GRIA3: variants seen among roughly 807,000 people sequenced by gnomAD.
GRIA3 encodes glutamate receptor 3.
Under a neutral mutation model 63.0 loss-of-function variants are expected in GRIA3, and 3 were observed. That is an observed-to-expected ratio of 0.05 (90% CI 0.02 to 0.12). GRIA3 has a LOEUF of 0.12. Among genes scored for constraint, GRIA3 ranks in the 10% least tolerant of loss-of-function variants. The pLI, the probability that GRIA3 is intolerant of heterozygous loss-of-function variation, is 1.00. For synonymous variants in GRIA3, 274 were observed against 257.9 expected (o/e 1.06, Z -0.60); for missense variants, 347 against 700.9 (o/e 0.50, Z 5.70).
intron 12 of GRIA3, among the ~76,000 whole-genome samples, chrX:123,450,495 A>G (rs1049551646): frequency 1.1e-4 from 12 of 112,877 alleles, no homozygotes; most frequent in African/African-American, 3.2e-4. Flanking sequence ...CCCTGCATCT[A>G]TGCAAACTTG....
chrX:123,382,843 T>A (rs962066971), intron 5 of GRIA3, among the ~76,000 whole-genome samples: 30 of 112,215 alleles, frequency 2.7e-4, no homozygotes, highest in Admixed American at 7.5e-4. Context: ...TTTAACATGC[T>A]ATGAATATTA....
chrX:123,223,578 C>A (rs1252990294), intron 2 of GRIA3, among the ~76,000 whole-genome samples: 1 of 112,185 alleles, frequency 8.9e-6, no homozygotes, highest in East Asian at 2.8e-4. Context: ...TGCTAGAAGG[C>A]CCTCTTTCTG....
chrX:123,303,199 A>T (rs933970166), intron 3 of GRIA3, among the ~76,000 whole-genome samples: 1 of 111,190 alleles, frequency 9.0e-6, no homozygotes. Context: ...AGTGGGAAAA[A>T]TCTAGATTTG....
At chrX:123,476,426 A>G (rs770766812) in intron 13 of GRIA3, among the ~76,000 whole-genome samples, 3 of 111,927 alleles carry the variant, frequency 2.7e-5, no homozygotes, top group Non-Finnish European at 5.6e-5. Context: ...GCTAGGTAAC[A>G]CATCTAATAA....
At chrX:123,370,372 C>G (rs1017203864) in intron 5 of GRIA3, among the ~76,000 whole-genome samples, 1 of 111,843 alleles carries the variant, frequency 8.9e-6, no homozygotes, top group Non-Finnish European at 1.9e-5. Context: ...ACTGTATTTA[C>G]TCATGTCAGC....
chrX:123,253,795 G>T, intron 3 of GRIA3: 9 of 318,926 alleles, frequency 2.8e-5, no homozygotes, highest in East Asian at 1.1e-4. Context: ...CACCATAGTT[G>T]AAAAAGAACG....
At chrX:123,252,006 T>C (rs913619723) in intron 2 of GRIA3, among the ~76,000 whole-genome samples, 3 of 112,095 alleles carry the variant, frequency 2.7e-5, no homozygotes, top group Admixed American at 9.4e-5. Context: ...ATGAATTAAA[T>C]TGGTTTTCCA....
chrX:123,280,347 C>A (rs1458890379), intron 3 of GRIA3, among the ~76,000 whole-genome samples: 2 of 112,106 alleles, frequency 1.8e-5, no homozygotes, highest in African/African-American at 6.5e-5. Context: ...ACAAAAAAAC[C>A]ACTTCATCTT....
chrX:123,206,456 T>C (rs1352314835), intron 2 of GRIA3, among the ~76,000 whole-genome samples: 2 of 112,101 alleles, frequency 1.8e-5, no homozygotes, highest in Non-Finnish European at 3.8e-5. Context: ...GCCGTTCTTG[T>C]CCCCTCACTG....
At chrX:123,391,642 G>A (rs113191428) in intron 5 of GRIA3, among the ~76,000 whole-genome samples, 57 of 111,934 alleles carry the variant, frequency 5.1e-4, no homozygotes, top group African/African-American at 1.8e-3. Context: ...CAGGCAGCTT[G>A]CTCAGATGCC....
chrX:123,395,917 T>C (rs1192992845), intron 6 of GRIA3, among the ~76,000 whole-genome samples: 2 of 110,620 alleles, frequency 1.8e-5, no homozygotes, highest in African/African-American at 6.6e-5. Flanking sequence ...GTATGTACCA[T>C]AGCTGTGGTA....
intron 12 of GRIA3, among the ~76,000 whole-genome samples, chrX:123,430,801 G>A (rs925119347): frequency 2.7e-5 from 3 of 110,476 alleles, no homozygotes; most frequent in African/African-American, 9.9e-5. Context: ...TGGTCAACAC[G>A]GTAAAACCCT....
chrX:123,318,989 G>C (rs947488158), intron 3 of GRIA3, among the ~76,000 whole-genome samples: 1 of 111,630 alleles, frequency 9.0e-6, no homozygotes, highest in Non-Finnish European at 1.9e-5. Flanking sequence ...ACATGGCAGC[G>C]GCAAGGAAAA....
At chrX:123,372,209 G>C (rs1015503711) in intron 5 of GRIA3, among the ~76,000 whole-genome samples, 2 of 111,447 alleles carry the variant, frequency 1.8e-5, no homozygotes, top group Admixed American at 9.6e-5. Context: ...TTGTTTCTGG[G>C]TTCTCTATTC....
At chrX:123,335,274 C>T (rs2044967050) in intron 4 of GRIA3, among the ~76,000 whole-genome samples, 1 of 110,732 alleles carries the variant, frequency 9.0e-6, no homozygotes, top group Admixed American at 9.7e-5. Flanking sequence ...ATCCTTAGAA[C>T]ACAGAACAAC....
chrX:123,355,961 G>A (rs1301785296), intron 5 of GRIA3, among the ~76,000 whole-genome samples: 2 of 112,029 alleles, frequency 1.8e-5, no homozygotes, highest in African/African-American at 6.5e-5. Flanking sequence ...TAGAGCTACT[G>A]CTTTCAAATG....
intron 2 of GRIA3, among the ~76,000 whole-genome samples, chrX:123,250,924 T>C (rs2044385887): frequency 8.9e-6 from 1 of 112,225 alleles, no homozygotes; most frequent in Non-Finnish European, 1.9e-5. Flanking sequence ...GAGCAATGAT[T>C]ACTTTTTAAT....
At chrX:123,488,346 T>C (rs967255068) in intron 15 of GRIA3, among the ~76,000 whole-genome samples, 2 of 112,765 alleles carry the variant, frequency 1.8e-5, no homozygotes, top group African/African-American at 6.4e-5. Context: ...CATAGAACAC[T>C]GTTTACCCTC....
At chrX:123,237,250 G>A (rs965640110) in intron 2 of GRIA3, among the ~76,000 whole-genome samples, 22 of 112,141 alleles carry the variant, frequency 2.0e-4, no homozygotes, top group Non-Finnish European at 3.8e-4. Context: ...TCCTACAGGA[G>A]ACCTGTGGAA....
Sources: allele counts gnomAD v4.1 joint callset (sites outside exome capture counted in the v4.1 genomes callset), GRCh38; gene constraint gnomAD v4.1.1; transcripts MANE v1.5; gene names NCBI Gene and HGNC (gene_info 2026-07-23, HGNC 2026-07-21).